Variants in KHSRP observed in about 807,000 individuals in gnomAD.
The protein encoded by KHSRP is KH-type splicing regulatory protein.
In KHSRP, 13 loss-of-function variants were observed where a neutral mutation model predicts 94.9. That is an observed-to-expected ratio of 0.14 (90% CI 0.09 to 0.22). The LOEUF (loss-of-function observed/expected upper bound fraction) is 0.22. KHSRP is among the 10% of genes least tolerant of loss of function. The pLI is 1.00. For synonymous variants in KHSRP, 495 were observed against 401.4 expected (o/e 1.23, Z -2.79); for missense variants, 710 against 1,010.0 (o/e 0.70, Z 4.03).
rs1481620263 is a variant in KHSRP at position 6,415,172 on chromosome 19, TG to T, written c.2095del (p.Gln699SerfsTer35). The T allele has an allele frequency of 3.1e-6, 5 of 1,608,290 alleles. No individual in the cohort carries two copies. ...YGQTPGPGGP[Q>X]PPPTQQGQQQ... ...CTGTCCCTGCTGCGTGGGCGGCGGC[TG>T]GGGGCCGCCAGGACCTGGGGTCTGT... On this transcript the variant is annotated frameshift_variant, in exon 19 of 19. Transcript: ENST00000600480. LOFTEE classifies it high-confidence loss of function.
At chr19:6,424,353 C>A (rs1041782455) in intron 1 of KHSRP, 100 bp downstream of exon 1, 13 of 454,212 alleles carry the variant, frequency 2.9e-5, no homozygotes, top group Non-Finnish European at 3.5e-5. Flanking sequence ...GGCCCCGGCC[C>A]CCCTCCGCGA....
In KHSRP at chr19:6,415,827, C is replaced by A; in HGVS notation, c.1668G>T (p.Pro556=). The A allele has an allele frequency of 6.4e-7, 1 of 1,573,074 alleles. No individual in the cohort carries two copies. Among genetic ancestry groups the A allele is most frequent in the Non-Finnish European group, 8.6e-7 (1 of 1,160,282 alleles). The change falls in exon 16 of 19, where the codon CCG becomes CCT. Residue 556 remains proline (P), a synonymous_variant. Transcript: ENST00000600480. ...GWGNTYPQWQ[P]PAPHDPSKAA... ...ACTTACTTGGGTCATGAGGAGCAGG[C>A]GGCTGCCACTGGGGGTAGGTATTGC...
chr19:6,415,931 G>A (rs1388804156), intron 15 of KHSRP, 35 bp from the exon 16 acceptor site: 1 of 1,341,204 alleles, frequency 7.5e-7, no homozygotes, highest in African/African-American at 1.5e-5. Context: ...TTGAGCAGTG[G>A]TGCGGGGGTG....
rs187033993 is a variant in KHSRP at position 6,414,998 on chromosome 19, C to T, written c.*26G>A. ...GTGCGTGGGGACTCCCGGAGACCTC[C>T]GGCCACACGGCCCCCGCTGCAGGCA... On this transcript the variant is annotated 3_prime_UTR_variant, in exon 19 of 19. Coordinates refer to ENST00000600480, the MANE Select transcript of KHSRP (RefSeq NM_001366299.1). 2.1e-4 allele frequency: 309 copies of T among 1,448,338 alleles called. 3 individuals carry two copies. The highest frequency in any genetic ancestry group is 1.6e-3 in the East Asian group (66 of 40,328). The allele number at this position is 1,448,338 out of a possible 1,614,324, so 89.7% of individuals were successfully genotyped here. A position where few individuals can be genotyped will look rare whatever the true frequency, so the allele number is the denominator to read the frequency against.
chr19:6,416,007 C>CA (rs2092142960), intron 15 of KHSRP, 111 bp from the exon 16 acceptor site: 1 of 735,314 alleles, frequency 1.4e-6, no homozygotes, highest in South Asian at 1.9e-5. Context: ...CCCAGACCAC[C>CA]AGGCTCAACG....
Position 6,419,249 on chromosome 19 carries a change from G to A in KHSRP, c.559C>T (p.Leu187=). Residue 187 remains leucine (L), a synonymous_variant, in exon 7 of 19, where the codon CTA becomes TTA. Transcript: ENST00000600480. ...KVQISPDSGG[L]PERSVSLTGA... is the part of the protein sequence containing the mutation. ...GTCAAGGACACACTGCGCTCGGGTA[G>A]GCCACCGCTGTCTGAAAAGAGGAGA... is the stretch of plus-strand genomic sequence containing the variant. 2.5e-6 allele frequency: 4 copies of A among 1,578,784 alleles called. No individual in the cohort carries two copies. Among genetic ancestry groups the A allele is most frequent in the Non-Finnish European group, 3.4e-6 (4 of 1,162,556 alleles).
intron 6 of KHSRP, 27 bp downstream of exon 6, chr19:6,420,046 T>G: frequency 6.3e-7 from 1 of 1,582,936 alleles, no homozygotes; most frequent in Non-Finnish European, 8.7e-7. Context: ...TGGCCCCCAC[T>G]CTGGCAGGAA....
chr19:6,422,222 A>G, intron 2 of KHSRP, 118 bp downstream of exon 2: 1 of 654,396 alleles, frequency 1.5e-6, no homozygotes, highest in South Asian at 1.8e-5. Context: ...GGGATTGCTG[A>G]GGTTTTAAAA....
Position 6,414,966 on chromosome 19 carries a change from C to G in KHSRP, c.*58G>C, listed in dbSNP as rs988924112. 3.5e-6 allele frequency: 5 copies of G among 1,435,578 alleles called. No homozygotes were observed. Among genetic ancestry groups the G allele is most frequent in the Middle Eastern group, 2.5e-4 (1 of 3,972 alleles). The allele number at this position is 1,435,578 out of a possible 1,614,324, so 88.9% of individuals were successfully genotyped here. A position where few individuals can be genotyped will look rare whatever the true frequency, so the allele number is the denominator to read the frequency against. On this transcript the variant is annotated 3_prime_UTR_variant, in exon 19 of 19. Transcript: ENST00000600480. ...AACCTCTGGACCCAGCGAATGCTTC[C>G]CTGGCGGTGCGTGGGGACTCCCGGA... is the stretch of plus-strand genomic sequence containing the variant.
rs368252686 is a variant in KHSRP at position 6,420,500 on chromosome 19, C to T, written c.426-29G>A. Reference sequence around the variant, plus strand: ...TAAAGAGACACGCCAAAGGTCAGTCCTCAAGTGGGAAGGGAGGAGGACAGC... The same window carrying T: ...TAAAGAGACACGCCAAAGGTCAGTCTTCAAGTGGGAAGGGAGGAGGACAGC... On this transcript the variant is annotated intron_variant, in intron 4 of 18. Transcript: ENST00000600480. The T allele has an allele frequency of 5.9e-4, 956 of 1,610,522 alleles. No homozygotes were observed. The highest frequency in any genetic ancestry group is 7.9e-4 in the Non-Finnish European group (924 of 1,177,026).
rs2092116414 is a variant in KHSRP, at chr19:6,413,553, G to C, written c.*1471C>G. On this transcript the variant is annotated 3_prime_UTR_variant, in exon 19 of 19. Coordinates refer to ENST00000600480, the MANE Select transcript of KHSRP (RefSeq NM_001366299.1). ...GCGGGAGGGAGAGAAGAGGGGGCTTGGCTGCTGGGGGAAGGGGTCCTGCAA... is the reference window on the plus strand; with the variant it reads ...GCGGGAGGGAGAGAAGAGGGGGCTTCGCTGCTGGGGGAAGGGGTCCTGCAA... 8.1e-6 allele frequency: 2 copies of C among 245,878 alleles called. No homozygotes were observed. The highest frequency in any genetic ancestry group is 3.3e-5 in the South Asian group (1 of 29,996). 15.2% of individuals were successfully genotyped at this position (245,878 alleles called of 1,614,324 possible). A position where few individuals can be genotyped will look rare whatever the true frequency, so the allele number is the denominator to read the frequency against.
rs1027346318 is a variant in KHSRP, at chr19:6,414,430, G to A, written c.*594C>T. 3.8e-5 allele frequency: 48 copies of A among 1,257,432 alleles called. No individual in the cohort carries two copies. In the African/African-American group the frequency reaches 4.6e-4, roughly 12 times the overall value. 77.9% of individuals were successfully genotyped at this position (1,257,432 alleles called of 1,614,324 possible). On this transcript the variant is annotated 3_prime_UTR_variant, in exon 19 of 19. Transcript: ENST00000600480. ...CTGTCTCCGGAGGGCGGTGGCTCCCGGCGCAGCACGACGACATGAACAATC... is the reference window on the plus strand; with the variant it reads ...CTGTCTCCGGAGGGCGGTGGCTCCCAGCGCAGCACGACGACATGAACAATC...
rs768538744 is a variant in KHSRP at position 6,417,845 on chromosome 19, G to T, written c.979-4C>A. 1.2e-6 allele frequency: 2 copies of T among 1,613,194 alleles called. No homozygotes were observed. The highest frequency in any genetic ancestry group is 4.5e-5 in the East Asian group (2 of 44,870). On this transcript the variant is annotated splice_region_variant and splice_polypyrimidine_tract_variant and intron_variant, in intron 10 of 18. Coordinates refer to ENST00000600480, the MANE Select transcript of KHSRP (RefSeq NM_001366299.1). ...CAGAATGCCTGGGCACTGGCACCTG[G>T]GGAGGGAGGCAGCAGCGTCAGCTCG... is the stretch of plus-strand genomic sequence containing the variant.
rs761050319 is a variant in KHSRP, at chr19:6,420,104, C to T, written c.516G>A (p.Gln172=). The T allele has an allele frequency of 1.2e-6, 2 of 1,613,638 alleles. No homozygotes were observed. Among genetic ancestry groups the T allele is most frequent in the Non-Finnish European group, 1.7e-6 (2 of 1,179,696 alleles). ...AAATCTGTACTTTGCAGCCTGAATCCTGTTGGATTTTGTTAATTTGTTCAC... is the reference window on the plus strand; with the variant it reads ...AAATCTGTACTTTGCAGCCTGAATCTTGTTGGATTTTGTTAATTTGTTCAC... ...RGGEQINKIQ[Q]DSGCKVQISP... Residue 172 remains glutamine, a synonymous_variant, in exon 6 of 19, where the codon CAG becomes CAA. Transcript: ENST00000600480.
At position 6,415,253 on chromosome 19, in the gene KHSRP, G is replaced by C; in HGVS notation, c.2015C>G (p.Pro672Arg). Residue 672 changes from proline to arginine, a missense_variant, in exon 19 of 19, where the codon CCA (proline) becomes CGA (arginine). Pro to Arg is a moderately radical substitution (Grantham distance 103, BLOSUM62 -2). Coordinates refer to ENST00000600480, the MANE Select transcript of KHSRP (RefSeq NM_001366299.1). Reference protein sequence around the residue: ...GGPGAPPGSQPDYSAAWAEYY... With the variant: ...GGPGAPPGSQRDYSAAWAEYY... Reference sequence around the variant, plus strand: ...TTCCGCCCAGGCGGCACTGTAGTCTGGCTGGGAGCCTGGGGGAGCTCCTGG... The same window carrying C: ...TTCCGCCCAGGCGGCACTGTAGTCTCGCTGGGAGCCTGGGGGAGCTCCTGG... 1 of 1,612,892 alleles carries C rather than the reference G, an allele frequency of 6.2e-7. No homozygotes were observed.
At position 6,418,759 on chromosome 19, in the gene KHSRP, G is replaced by A. The variant is rs752408004; in HGVS notation, c.723C>T (p.Pro241=). ...CAATGACCAGGCCGGCCTTGCCCGC[G>A]GGGATCATGATCTCCTGCACGGTGC... ...QNGTVQEIMI[P]AGKAGLVIGK... Residue 241 remains proline, a synonymous_variant, in exon 8 of 19, where the codon CCC becomes CCT. Transcript: ENST00000600480. This position sits in a 1 kb window ranked among gnomAD's most constrained non-coding sequence, Gnocchi z 4.3. The A allele has an allele frequency of 3.1e-5, 50 of 1,612,974 alleles. No individual in the cohort carries two copies. Among genetic ancestry groups the A allele is most frequent in the South Asian group, 2.4e-4 (22 of 91,040 alleles).
intron 11 of KHSRP, 97 bp from the exon 12 acceptor site, chr19:6,417,184 C>A (rs533261554): frequency 5.4e-6 from 5 of 926,060 alleles, no homozygotes; most frequent in Non-Finnish European, 8.0e-6. Flanking sequence ...CCACGCCGGC[C>A]TGAGATCTCA....
intron 5 of KHSRP, 70 bp downstream of exon 5, chr19:6,420,352 G>T: frequency 3.4e-6 from 5 of 1,481,188 alleles, no homozygotes; most frequent in Non-Finnish European, 3.8e-6. Context: ...CTTCTGGGCT[G>T]GCAGGAGCTC....
rs756096840 is a variant in KHSRP, at chr19:6,414,124, C to T, written c.*900G>A. The T allele has an allele frequency of 2.8e-5, 37 of 1,342,458 alleles. No individual in the cohort carries two copies. Among genetic ancestry groups the T allele is most frequent in the Middle Eastern group, 2.1e-4 (1 of 4,830 alleles). 83.2% of individuals were successfully genotyped at this position (1,342,458 alleles called of 1,614,324 possible). On this transcript the variant is annotated 3_prime_UTR_variant, in exon 19 of 19. Coordinates refer to ENST00000600480, the MANE Select transcript of KHSRP (RefSeq NM_001366299.1). ...ACATTCATTCGATTCATTGAGCCTG[C>T]GGAGAGGGAAGAGATAGGAATTGGT...
Sources: gnomAD v4.1 joint callset for allele counts on GRCh38, gnomAD v4.1.1 for gene constraint, Gnocchi (gnomAD v3.1) non-coding constraint, MANE v1.5 for transcripts, NCBI Gene and HGNC (gene_info 2026-07-23, HGNC 2026-07-21) for gene names.